The following ARRB1 variants were observed in gnomAD, a reference collection of about 807,000 sequenced individuals.
ARRB1 encodes the protein beta-arrestin-1.
A neutral mutation model predicts 56.8 loss-of-function variants in ARRB1; 21 were observed. That is an observed-to-expected ratio of 0.37 (90% CI 0.26 to 0.53). The LOEUF (loss-of-function observed/expected upper bound fraction) is 0.53. Among genes scored for constraint, ARRB1 ranks in the 20% least tolerant of loss-of-function variants. The probability of loss-of-function intolerance (pLI) is 0.88; values close to 1 mark genes in which losing one functional copy is unlikely to be tolerated. For missense variants in ARRB1, 424 were observed against 553.7 expected (o/e 0.77, Z 2.35); for synonymous variants, 210 against 218.6 (o/e 0.96, Z 0.35).
intron 1 of ARRB1, among the ~76,000 whole-genome samples, chr11:75,335,907 C>T (rs1383086125): frequency 2.0e-5 from 3 of 152,198 alleles, no homozygotes; most frequent in Non-Finnish European, 4.4e-5. Context: ...CTTTTATAGA[C>T]GGGGACAAAA....
chr11:75,273,017 C>T lies in ARRB1; in HGVS notation c.915-39G>A, dbSNP rs72556397. 4.0e-4 allele frequency: 644 copies of T among 1,596,726 alleles called. 3 individuals carry two copies. The African/African-American group carries it at 7.8e-3, about 19-fold the overall frequency. The stretch of plus-strand genomic sequence containing the variant: ...CAGGGGAGCCAGTTCAGGGGCCTTG[C>T]CAGGTGGGCGAGACACCTCAGGGGT... On this transcript the variant is annotated intron_variant, in intron 11 of 15. Transcript: ENST00000420843.
chr11:75,281,212 T>C, intron 6 of ARRB1, 70 bp from the exon 7 acceptor site: 2 of 1,439,260 alleles, frequency 1.4e-6, no homozygotes, highest in Non-Finnish European at 1.9e-6. Context: ...CCAGCCCACC[T>C]CTCATTTTAC....
rs148459278 is a variant in ARRB1 at position 75,276,915 on chromosome 11, G to A, written c.704-4C>T. ...CAGATGTCTGCATACTGGCGCACTA[G>A]GGAGGGAGAGGAATCAAGGTGGAGT... is the stretch of plus-strand genomic sequence containing the variant. On this transcript the variant is annotated splice_region_variant and splice_polypyrimidine_tract_variant and intron_variant, in intron 9 of 15. Transcript: ENST00000420843. The A allele has an allele frequency of 2.7e-5, 44 of 1,614,044 alleles. No individual in the cohort carries two copies. The African/African-American group carries it at 4.4e-4, about 16-fold the overall frequency.
intron 6 of ARRB1, among the ~76,000 whole-genome samples, chr11:75,281,427 C>T (rs1263127302): frequency 6.6e-6 from 1 of 152,140 alleles, no homozygotes; most frequent in Non-Finnish European, 1.5e-5. Context: ...AGGCAGCTGC[C>T]CAGAAATAGC....
At chr11:75,316,040 G>A (rs767478679) in intron 1 of ARRB1, among the ~76,000 whole-genome samples, 8 of 152,142 alleles carry the variant, frequency 5.3e-5, no homozygotes, top group Non-Finnish European at 8.8e-5. Context: ...CTCAAAGCTG[G>A]TTACAGGTGG....
intron 3 of ARRB1, among the ~76,000 whole-genome samples, chr11:75,286,791 G>A (rs573584496): frequency 1.3e-5 from 2 of 152,200 alleles, no homozygotes; most frequent in African/African-American, 4.8e-5. Flanking sequence ...GGAACCCCAT[G>A]TACATGAGGA....
At chr11:75,275,186 G>A (rs902412956) in intron 10 of ARRB1, among the ~76,000 whole-genome samples, 8 of 122,200 alleles carry the variant, frequency 6.5e-5, no homozygotes, top group South Asian at 2.5e-4. Flanking sequence ...TTGCTCTGTC[G>A]CCCAGGCTAG....
At chr11:75,328,091 C>T (rs1947469901) in intron 1 of ARRB1, among the ~76,000 whole-genome samples, 1 of 152,228 alleles carries the variant, frequency 6.6e-6, no homozygotes, top group Non-Finnish European at 1.5e-5. Flanking sequence ...TATGTAGTCT[C>T]TCCCCATTCT....
At chr11:75,306,921 C>G (rs1246840034) in intron 1 of ARRB1, among the ~76,000 whole-genome samples, 1 of 152,166 alleles carries the variant, frequency 6.6e-6, no homozygotes, top group Non-Finnish European at 1.5e-5. Flanking sequence ...AGCAGTCCAG[C>G]CTGCATGGAG....
intron 3 of ARRB1, among the ~76,000 whole-genome samples, chr11:75,286,632 G>A (rs982877789): frequency 6.6e-6 from 1 of 152,050 alleles, no homozygotes; most frequent in African/African-American, 2.4e-5. Flanking sequence ...TAGAGACCAG[G>A]GATGTGGCTA....
intron 1 of ARRB1, among the ~76,000 whole-genome samples, chr11:75,347,069 C>A (rs1310760462): frequency 1.3e-5 from 2 of 152,254 alleles, no homozygotes; most frequent in Non-Finnish European, 2.9e-5. Flanking sequence ...TGCCACCAAC[C>A]CAAAGTGTCA....
chr11:75,321,202 G>T (rs1947344380), intron 1 of ARRB1, among the ~76,000 whole-genome samples: 1 of 152,048 alleles, frequency 6.6e-6, no homozygotes, highest in Non-Finnish European at 1.5e-5. Flanking sequence ...CCTCTGGTAT[G>T]ACCTCAGCAC....
intron 8 of ARRB1, among the ~76,000 whole-genome samples, chr11:75,278,383 G>A (rs962918224): frequency 6.6e-6 from 1 of 152,234 alleles, no homozygotes; most frequent in Non-Finnish European, 1.5e-5. Context: ...CACTTCGGAA[G>A]TCCATCACAT....
At chr11:75,309,177 C>T (rs988328352) in intron 1 of ARRB1, among the ~76,000 whole-genome samples, 1 of 152,208 alleles carries the variant, frequency 6.6e-6, no homozygotes, top group Non-Finnish European at 1.5e-5. Flanking sequence ...ATGGGCGCAG[C>T]CAGCATCAAA....
At chr11:75,310,704 C>T (rs1180068271) in intron 1 of ARRB1, among the ~76,000 whole-genome samples, 2 of 152,182 alleles carry the variant, frequency 1.3e-5, no homozygotes, top group Non-Finnish European at 2.9e-5. Context: ...TGATTATCAG[C>T]AGGAGGCAGT....
At chr11:75,351,458 T>G in intron 1 of ARRB1, 130 bp downstream of exon 1, 1 of 1,358,194 alleles carries the variant, frequency 7.4e-7, no homozygotes, top group Non-Finnish European at 9.7e-7. Flanking sequence ...AGACCTCGGG[T>G]GGAGGAGAGC....
In ARRB1 at chr11:75,329,088, C is replaced by CT. The variant is rs770989128; in HGVS notation, c.20+22499dup. On this transcript the variant is annotated intron_variant, in intron 1 of 15. Coordinates refer to ENST00000420843, the MANE Select transcript of ARRB1 (RefSeq NM_004041.5). ...GGGACCATTCCTTCCTGCTGTGTAA[C>CT]TTTTTTTTTTTTTTTTTTTTTTTGA... Among the ~76,000 whole-genome samples the CT allele has an allele frequency of 2.0e-3, 212 of 103,574 alleles. 1 individual carries two copies. The highest frequency in any genetic ancestry group is 3.4e-3 in the East Asian group (13 of 3,770). 67.9% of individuals were successfully genotyped at this position (103,574 alleles called of 152,430 possible).
chr11:75,281,817 AGGT>A (rs1372231521), intron 6 of ARRB1, 142 bp downstream of exon 6: 2 of 781,678 alleles, frequency 2.6e-6, no homozygotes, highest in East Asian at 5.4e-5. Context: ...TGGTTGTCCA[AGGT>A]GGGACCAGCT....
chr11:75,345,657 C>T (rs1216530788), intron 1 of ARRB1, among the ~76,000 whole-genome samples: 2 of 152,202 alleles, frequency 1.3e-5, no homozygotes, highest in Non-Finnish European at 2.9e-5. Flanking sequence ...CCAGGCCTCC[C>T]GCTCAGGCGC....
Sources: allele counts gnomAD v4.1 joint callset (sites outside exome capture counted in the v4.1 genomes callset), GRCh38; gene constraint gnomAD v4.1.1; transcripts MANE v1.5; gene names NCBI Gene and HGNC (gene_info 2026-07-23, HGNC 2026-07-21).